Variants in GRID2 observed in about 807,000 individuals in gnomAD.
The protein encoded by GRID2 is glutamate receptor ionotropic, delta-2.
Under a neutral mutation model 114.8 loss-of-function variants are expected in GRID2, and 33 were observed. The observed-to-expected ratio is 0.29, with a 90% CI of 0.22 to 0.38. The LOEUF (loss-of-function observed/expected upper bound fraction) is 0.38, where lower values mean the gene tolerates loss of function less well. Among genes scored for constraint, GRID2 ranks in the 10% least tolerant of loss-of-function variants. The pLI, the probability that GRID2 is intolerant of heterozygous loss-of-function variation, is 1.00. For missense variants in GRID2, 1,184 were observed against 1,257.7 expected (o/e 0.94, Z 0.89); for synonymous variants, 505 against 449.9 (o/e 1.12, Z -1.55).
intron 2 of GRID2, among the ~76,000 whole-genome samples, chr4:92,730,269 A>G (rs1396006109): frequency 6.6e-6 from 1 of 151,994 alleles, no homozygotes; most frequent in Non-Finnish European, 1.5e-5. Context: ...TAGAAAAGGT[A>G]GAAAGCAAAA....
chr4:92,445,130 C>A lies in GRID2; in HGVS notation c.88+140386C>A, dbSNP rs1733383614. On this transcript the variant is annotated intron_variant, in intron 1 of 15. Coordinates refer to ENST00000282020, the MANE Select transcript of GRID2 (RefSeq NM_001510.4). ...GTGCTAGATACTCTTCAAATTATTT[C>A]ACATCTCTTAACTCATTTGATCTTG... Among the ~76,000 whole-genome samples, 3 of 152,248 alleles carry A rather than the reference C, an allele frequency of 2.0e-5. No individual in the cohort carries two copies. The South Asian group carries it at 6.2e-4, about 32-fold the overall frequency.
intron 1 of GRID2, among the ~76,000 whole-genome samples, chr4:92,578,414 C>A (rs969646721): frequency 4.6e-5 from 7 of 151,232 alleles, no homozygotes; most frequent in African/African-American, 1.7e-4. Flanking sequence ...TGATGATTTC[C>A]AATTTCATCC....
intron 2 of GRID2, among the ~76,000 whole-genome samples, chr4:92,607,193 T>C (rs1729500739): frequency 6.6e-6 from 1 of 152,002 alleles, no homozygotes; most frequent in Non-Finnish European, 1.5e-5. Context: ...AGCGTTCCAA[T>C]AATGGAACAC....
chr4:93,344,042 A>T (rs59520419), intron 8 of GRID2, among the ~76,000 whole-genome samples: 5,142 of 152,126 alleles, frequency 0.034, 306 homozygotes, highest in African/African-American at 0.12. Flanking sequence ...CTGAAATTTC[A>T]AATGAAGACC....
intron 8 of GRID2, among the ~76,000 whole-genome samples, chr4:93,311,067 T>A (rs1371682816): frequency 1.3e-5 from 2 of 152,116 alleles, no homozygotes; most frequent in South Asian, 2.1e-4. Flanking sequence ...ATCATAAAGA[T>A]CTGGAGATGG....
chr4:93,366,513 C>G (rs1762352700), intron 8 of GRID2, among the ~76,000 whole-genome samples: 1 of 152,108 alleles, frequency 6.6e-6, no homozygotes, highest in South Asian at 2.1e-4. Flanking sequence ...CCTGAAACTT[C>G]ATTAGCAATT....
chr4:92,942,028 A>G (rs2149537424), intron 2 of GRID2, among the ~76,000 whole-genome samples: 1 of 152,286 alleles, frequency 6.6e-6, no homozygotes, highest in Non-Finnish European at 1.5e-5. Context: ...TGTGGTCCTG[A>G]GAAGAATGTC....
At chr4:92,642,599 A>C in intron 2 of GRID2, among the ~76,000 whole-genome samples, 1 of 151,572 alleles carries the variant, frequency 6.6e-6, no homozygotes, top group South Asian at 2.1e-4. Flanking sequence ...TACTCTGTTT[A>C]TAGTCTTTTT....
intron 13 of GRID2, among the ~76,000 whole-genome samples, chr4:93,625,390 T>A (rs72670701): frequency 0.02 from 3,031 of 152,334 alleles, 35 homozygotes; most frequent in South Asian, 0.022. Context: ...GTCATTTTAC[T>A]ATAAGCAACG....
chr4:93,775,931 G>T (rs977671695), downstream of GRID2, among the ~76,000 whole-genome samples: 4 of 152,106 alleles, frequency 2.6e-5, no homozygotes, highest in Non-Finnish European at 4.4e-5. Context: ...ATGGTACTTT[G>T]CTTCATCAAT....
chr4:93,188,164 C>T (rs1012326429), intron 4 of GRID2, among the ~76,000 whole-genome samples: 1 of 152,206 alleles, frequency 6.6e-6, no homozygotes, highest in Non-Finnish European at 1.5e-5. Context: ...CTAATGGGAT[C>T]CCTCTGTGGT....
intron 2 of GRID2, among the ~76,000 whole-genome samples, chr4:93,062,620 TACTC>T (rs1727908051): frequency 6.6e-6 from 1 of 152,040 alleles, no homozygotes; most frequent in Non-Finnish European, 1.5e-5. Flanking sequence ...TTTTCATTCA[TACTC>T]AAGAAAGTGA....
chr4:93,673,553 T>A (rs1222274374), intron 14 of GRID2, among the ~76,000 whole-genome samples: 1 of 152,192 alleles, frequency 6.6e-6, no homozygotes, highest in Non-Finnish European at 1.5e-5. Context: ...CAATCACTTT[T>A]TTTCACAAGA....
chr4:93,624,226 T>C (rs1742480941), intron 13 of GRID2, among the ~76,000 whole-genome samples: 1 of 152,146 alleles, frequency 6.6e-6, no homozygotes. Flanking sequence ...TTTAAAATAC[T>C]TTTTCACTTG....
intron 2 of GRID2, among the ~76,000 whole-genome samples, chr4:92,651,434 C>CCT (rs982265179): frequency 3.9e-5 from 6 of 152,034 alleles, no homozygotes; most frequent in Non-Finnish European, 8.8e-5. Context: ...TGTTCATAAA[C>CCT]CTATTGGATG....
chr4:93,724,029 G>A (rs1439546), intron 14 of GRID2, among the ~76,000 whole-genome samples: 6,414 of 152,236 alleles, frequency 0.042, 219 homozygotes, highest in African/African-American at 0.085. Flanking sequence ...CCTCCTTGAC[G>A]AGGGTGGTTT....
At chr4:92,853,947 A>G (rs1175060213) in intron 2 of GRID2, among the ~76,000 whole-genome samples, 2 of 151,658 alleles carry the variant, frequency 1.3e-5, no homozygotes, top group Non-Finnish European at 1.5e-5. Flanking sequence ...ATCATGCAAC[A>G]TTCCCATGTA....
At chr4:93,322,066 C>T (rs979800612) in intron 8 of GRID2, among the ~76,000 whole-genome samples, 4 of 110,030 alleles carry the variant, frequency 3.6e-5, no homozygotes, top group Non-Finnish European at 7.3e-5. Context: ...TATTATTATA[C>T]ATTAAGTTCT....
intron 2 of GRID2, among the ~76,000 whole-genome samples, chr4:92,760,887 C>A (rs923718418): frequency 5.3e-5 from 8 of 152,232 alleles, no homozygotes; most frequent in African/African-American, 1.9e-4. Flanking sequence ...TAAATGATCA[C>A]ATTTTGTTGT....
Sources: allele counts gnomAD v4.1 joint callset (sites outside exome capture counted in the v4.1 genomes callset), GRCh38; gene constraint gnomAD v4.1.1; transcripts MANE v1.5; gene names NCBI Gene and HGNC (gene_info 2026-07-23, HGNC 2026-07-21).